CNTN4: variants seen among roughly 807,000 people sequenced by gnomAD.
CNTN4 encodes contactin 4.
Under a neutral mutation model 122.5 loss-of-function variants are expected in CNTN4, and 77 were observed. The ratio of observed to expected loss-of-function variants is 0.63; its 90% CI spans 0.52 to 0.76. The LOEUF is 0.76. Among genes scored for constraint, CNTN4 ranks in the 30% least tolerant of loss-of-function variants. The probability of loss-of-function intolerance (pLI) is 0.00; values close to 1 mark genes in which losing one functional copy is unlikely to be tolerated. For synonymous variants in CNTN4, 512 were observed against 447.0 expected, an observed-to-expected ratio of 1.15 and a Z score of -1.83; for missense variants, 1,256 against 1,259.1, an observed-to-expected ratio of 1.00 and a Z score of 0.04.
intron 6 of CNTN4, among the ~76,000 whole-genome samples, chr3:2,795,830 A>G (rs2092159515): frequency 6.6e-6 from 1 of 152,292 alleles, no homozygotes; most frequent in Non-Finnish European, 1.5e-5. Flanking sequence ...ACAAATGGGT[A>G]TCTTTTGATT....
chr3:2,704,413 G>T (rs183265154), intron 4 of CNTN4, among the ~76,000 whole-genome samples: 16 of 150,652 alleles, frequency 1.1e-4, no homozygotes, highest in Middle Eastern at 3.4e-3. Context: ...GAAATTGAAA[G>T]TACGATATGG....
At position 2,621,962 on chromosome 3, in the gene CNTN4, C is replaced by T. The variant is rs143696140; in HGVS notation, c.55+50404C>T. 3.1e-3 allele frequency among the ~76,000 whole-genome samples: 475 copies of T among 152,230 alleles called. 1 individual carries two copies. Among genetic ancestry groups the T allele is most frequent in the Admixed American group, 5.7e-3 (87 of 15,288 alleles). ...CATGCTGCTTCTTGATATCCAGACTCGGTGTGCTCTGCAGAACTGCAGCCT... is the reference window on the plus strand; with the variant it reads ...CATGCTGCTTCTTGATATCCAGACTTGGTGTGCTCTGCAGAACTGCAGCCT... On this transcript the variant is annotated intron_variant, in intron 4 of 24. Coordinates refer to ENST00000418658, the MANE Select transcript of CNTN4 (RefSeq NM_175607.3).
rs1559817360 is a variant in CNTN4 at position 3,037,282 on chromosome 3, TGG to T, written c.2049_2050del (p.Glu684AlafsTer31). On this transcript the variant is annotated frameshift_variant, in exon 18 of 25. Transcript: ENST00000418658. LOFTEE classifies it high-confidence loss of function. ...RTVAANVIGIGEPSRPSEKRR... is the reference protein window; with the variant it reads ...RTVAANVIGIXEPSRPSEKRR... ...CAGTTGCAGCCAACGTGATTGGGAT[TGG>T]GGAGCCCAGCCGCCCCTCAGAGAAA... The T allele has an allele frequency of 2.5e-6, 4 of 1,614,164 alleles. No individual in the cohort carries two copies. Among genetic ancestry groups the T allele is most frequent in the Non-Finnish European group, 3.4e-6 (4 of 1,180,034 alleles).
At chr3:2,597,193 C>A (rs1331131764) in intron 4 of CNTN4, among the ~76,000 whole-genome samples, 2 of 152,112 alleles carry the variant, frequency 1.3e-5, no homozygotes, top group African/African-American at 4.8e-5. Context: ...CTACTACTAC[C>A]CACCACACCT....
chr3:2,880,557 CAGGCCAGCTTTGTGCAGATGCTGAAAGAA>C (rs1259566880), intron 8 of CNTN4, among the ~76,000 whole-genome samples: 3 of 152,148 alleles, frequency 2.0e-5, no homozygotes, highest in Middle Eastern at 3.2e-3. Context: ...GAGTCTTTAC[CAGGCCAGCTTTGTGCAGATGCTGAAAGAA>C]AGGCCAGCCC....
chr3:2,435,101 T>G (rs967481158), intron 3 of CNTN4, among the ~76,000 whole-genome samples: 3 of 152,200 alleles, frequency 2.0e-5, no homozygotes, highest in African/African-American at 7.2e-5. Flanking sequence ...AGCTTAATAC[T>G]AAAGTGAATA....
intron 8 of CNTN4, among the ~76,000 whole-genome samples, chr3:2,873,623 C>G (rs1577114520): frequency 6.6e-6 from 1 of 152,236 alleles, no homozygotes; most frequent in South Asian, 2.1e-4. Context: ...TCACTGTAAA[C>G]TTTCCTAATA....
chr3:2,455,443 A>G (rs1372413968), intron 3 of CNTN4, among the ~76,000 whole-genome samples: 1 of 152,098 alleles, frequency 6.6e-6, no homozygotes, highest in African/African-American at 2.4e-5. Context: ...TAGAAAAGGG[A>G]GAAAGTGGGT....
At chr3:2,722,486 A>T (rs2087924703) in intron 4 of CNTN4, among the ~76,000 whole-genome samples, 1 of 152,176 alleles carries the variant, frequency 6.6e-6, no homozygotes, top group Non-Finnish European at 1.5e-5. Context: ...CTGTGGCTAG[A>T]GGTGTATGGG....
intron 3 of CNTN4, among the ~76,000 whole-genome samples, chr3:2,499,203 T>G (rs1042197624): frequency 1.3e-5 from 2 of 152,234 alleles, no homozygotes; most frequent in African/African-American, 4.8e-5. Flanking sequence ...CCATGATCTA[T>G]TTTGAATTAA....
intron 8 of CNTN4, among the ~76,000 whole-genome samples, chr3:2,876,792 C>T (rs2093849743): frequency 6.6e-6 from 1 of 152,180 alleles, no homozygotes; most frequent in Non-Finnish European, 1.5e-5. Context: ...CTACAGAGTC[C>T]AGACTCTGGA....
intron 4 of CNTN4, among the ~76,000 whole-genome samples, chr3:2,658,701 T>C (rs1200727506): frequency 1.3e-5 from 2 of 152,142 alleles, no homozygotes; most frequent in African/African-American, 4.8e-5. Context: ...TATTAGCTCA[T>C]AATCTGGGAA....
At chr3:2,699,801 G>T (rs1018402711) in intron 4 of CNTN4, among the ~76,000 whole-genome samples, 3 of 152,186 alleles carry the variant, frequency 2.0e-5, no homozygotes, top group African/African-American at 7.2e-5. Flanking sequence ...ATGATTATCT[G>T]GCTTAGCCTC....
intron 2 of CNTN4, among the ~76,000 whole-genome samples, chr3:2,101,424 C>T (rs2125080226): frequency 6.6e-6 from 1 of 152,300 alleles, no homozygotes; most frequent in South Asian, 2.1e-4. Flanking sequence ...TGAGGACAGA[C>T]ATAATATGCA....
rs2090117938 is a variant in CNTN4, at chr3:2,751,987, C to T, written c.358+6290C>T. 2.0e-5 allele frequency among the ~76,000 whole-genome samples: 3 copies of T among 152,112 alleles called. No individual in the cohort carries two copies. The South Asian group carries it at 6.2e-4, about 32-fold the overall frequency. ...ACTCCAGCTTCTCAATACCACTACA[C>T]TTCCCTTTTAAGGTTGTTAGCAAGA... On this transcript the variant is annotated intron_variant, in intron 6 of 24. Transcript: ENST00000418658.
chr3:2,829,330 T>A (rs2093053391), intron 7 of CNTN4, among the ~76,000 whole-genome samples: 4 of 152,216 alleles, frequency 2.6e-5, no homozygotes, highest in Admixed American at 2.6e-4. Flanking sequence ...TGATAAACTA[T>A]CTGACCCACA....
In CNTN4 at chr3:2,781,109, C is replaced by A. The variant is rs541907061; in HGVS notation, c.358+35412C>A. ...GAGGTTCAAATGAAAAGGAAAGAAA[C>A]CAACAAACATGCCCTAAGACCAGTT... is the stretch of plus-strand genomic sequence containing the variant. On this transcript the variant is annotated intron_variant, in intron 6 of 24. Transcript: ENST00000418658. Among the ~76,000 whole-genome samples, 4 of 152,204 alleles carry A rather than the reference C, an allele frequency of 2.6e-5. No homozygotes were observed. In the East Asian group the frequency reaches 7.7e-4, roughly 29 times the overall value.
intron 13 of CNTN4, among the ~76,000 whole-genome samples, chr3:2,936,717 T>C (rs2094570232): frequency 6.6e-6 from 1 of 152,158 alleles, no homozygotes; most frequent in Admixed American, 6.5e-5. Flanking sequence ...AAAAACTAAG[T>C]CCACAGGCCA....
chr3:2,207,923 A>T (rs1289622818), intron 2 of CNTN4, among the ~76,000 whole-genome samples: 6 of 152,136 alleles, frequency 3.9e-5, no homozygotes, highest in Non-Finnish European at 8.8e-5. Flanking sequence ...CTCATTGACC[A>T]TTCTAAAAAT....
Sources: allele counts gnomAD v4.1 joint callset (sites outside exome capture counted in the v4.1 genomes callset), GRCh38; gene constraint gnomAD v4.1.1; transcripts MANE v1.5; gene names NCBI Gene and HGNC (gene_info 2026-07-23, HGNC 2026-07-21).